Variants in CRLF3 observed in about 807,000 individuals in gnomAD.
The protein encoded by CRLF3 is cytokine receptor-like factor 3.
In CRLF3, 33 loss-of-function variants were observed where a neutral mutation model predicts 55.0. That is an observed-to-expected ratio of 0.60 (90% CI 0.46 to 0.80). The LOEUF (loss-of-function observed/expected upper bound fraction) is 0.80. Among genes scored for constraint, CRLF3 ranks in the 30% least tolerant of loss-of-function variants. CRLF3 has a pLI of 0.00. For missense variants in CRLF3, 494 were observed against 538.4 expected, an observed-to-expected ratio of 0.92 and a Z score of 0.82; for synonymous variants, 238 against 196.8, an observed-to-expected ratio of 1.21 and a Z score of -1.75.
At chr17:30,812,059 G>C (rs1567667320) in intron 1 of CRLF3, among the ~76,000 whole-genome samples, 1 of 152,040 alleles carries the variant, frequency 6.6e-6, no homozygotes, top group East Asian at 1.9e-4. Context: ...GCAGCAAGCT[G>C]AGATTGCGCC....
chr17:30,820,714 C>T (rs1302658365), intron 1 of CRLF3, among the ~76,000 whole-genome samples: 2 of 151,520 alleles, frequency 1.3e-5, no homozygotes, highest in Non-Finnish European at 2.9e-5. Context: ...ATCTCTTGAA[C>T]CCAAGAGGCG....
chr17:30,785,971 C>G lies in CRLF3; in HGVS notation c.1020G>C (p.Gln340His). The part of the protein sequence containing the change: ...RDSIGVCAEK[Q>H]DGYDSLQRDQ... The stretch of plus-strand genomic sequence containing the variant: ...CCCGCTGCAGAGAGTCATATCCATC[C>G]TGTTTTTCTGCACACACTCCTATGC... Residue 340 changes from glutamine to histidine, a missense_variant, in exon 7 of 8, where the codon CAG becomes CAC. Physicochemically the swap from Gln to His is conservative, Grantham distance 24 (BLOSUM62 0). Coordinates refer to ENST00000324238, the MANE Select transcript of CRLF3 (RefSeq NM_015986.4). 1 of 1,613,374 alleles carries G rather than the reference C, an allele frequency of 6.2e-7. No individual in the cohort carries two copies. Among genetic ancestry groups the G allele is most frequent in the East Asian group, 2.2e-5 (1 of 44,872 alleles).
intron 6 of CRLF3, among the ~76,000 whole-genome samples, chr17:30,789,374 C>CT (rs1174845199): frequency 6.6e-6 from 1 of 152,160 alleles, no homozygotes; most frequent in African/African-American, 2.4e-5. Context: ...ACTATGCAAT[C>CT]TATCAGACAT....
At chr17:30,816,941 C>T (rs565756094) in intron 1 of CRLF3, among the ~76,000 whole-genome samples, 2 of 152,236 alleles carry the variant, frequency 1.3e-5, no homozygotes, top group Non-Finnish European at 2.9e-5. Context: ...TAGGTTTGTA[C>T]AATGACAAAA....
rs141016620 is a variant in CRLF3, at chr17:30,792,567, T to A, written c.832A>T (p.Thr278Ser). ...AGACTGTACCCCTCAAAACCAGCTG[T>A]CCACTCTTTTTCAAAGCAAAGATAT... ...GHSTLVPHEW[T>S]AGFEGYSLSS... Residue 278 changes from threonine to serine, a missense_variant, in exon 6 of 8, where the codon ACA becomes TCA. Physicochemically the swap from Thr to Ser is moderately conservative, Grantham distance 58 (BLOSUM62 1). Coordinates refer to ENST00000324238, the MANE Select transcript of CRLF3 (RefSeq NM_015986.4). 6.3e-7 allele frequency: 1 copy of A among 1,594,824 alleles called. No homozygotes were observed. Among genetic ancestry groups the A allele is most frequent in the East Asian group, 2.3e-5 (1 of 44,352 alleles).
Position 30,784,394 on chromosome 17 carries a change from A to G in CRLF3, c.1122T>C (p.Val374=). Residue 374 remains valine, a synonymous_variant, in exon 8 of 8, where the codon GTT becomes GTC. Transcript: ENST00000324238. ...CAAACGTGACAGTGGACCCAGAAGTAACTGCGGGTAACTGATTTGTCATTT... is the reference window on the plus strand; with the variant it reads ...CAAACGTGACAGTGGACCCAGAAGTGACTGCGGGTAACTGATTTGTCATTT... ...GKEMTNQLPA[V]TSGSTVTFDI... is the part of the protein sequence containing the mutation. 5.6e-6 allele frequency: 9 copies of G among 1,613,784 alleles called. No homozygotes were observed. The highest frequency in any genetic ancestry group is 7.6e-6 in the Non-Finnish European group (9 of 1,179,628).
Position 30,802,459 on chromosome 17 carries a change from C to G in CRLF3, c.337+1442G>C, listed in dbSNP as rs1972022275. ...TATTTTATATTTTTTGAGACAGGGT[C>G]TTACTCTGTCACCCAGGCTGGAGTG... On this transcript the variant is annotated intron_variant, in intron 2 of 7. Transcript: ENST00000324238. Among the ~76,000 whole-genome samples, 3 of 150,750 alleles carry G rather than the reference C, an allele frequency of 2.0e-5. No individual in the cohort carries two copies. The South Asian group carries it at 6.3e-4, about 32-fold the overall frequency.
At chr17:30,804,567 G>A (rs893258931) in intron 1 of CRLF3, among the ~76,000 whole-genome samples, 1 of 152,156 alleles carries the variant, frequency 6.6e-6, no homozygotes, top group Non-Finnish European at 1.5e-5. Flanking sequence ...TTCTACATAT[G>A]AGATCGTGCA....
At chr17:30,786,054 AT>A (rs1186736953) in intron 6 of CRLF3, 23 bp from the exon 7 acceptor site, 2 of 1,268,242 alleles carry the variant, frequency 1.6e-6, no homozygotes, top group Non-Finnish European at 2.3e-6. Flanking sequence ...TAGAAAGGTC[AT>A]TTCATACTTT....
intron 1 of CRLF3, among the ~76,000 whole-genome samples, chr17:30,808,432 C>T (rs977405726): frequency 2.3e-4 from 35 of 151,204 alleles, no homozygotes; most frequent in African/African-American, 7.0e-4. Flanking sequence ...GGATTACAGG[C>T]GCATGCCACC....
intron 6 of CRLF3, among the ~76,000 whole-genome samples, chr17:30,789,317 C>A (rs1386212719): frequency 6.6e-6 from 1 of 152,138 alleles, no homozygotes; most frequent in Non-Finnish European, 1.5e-5. Context: ...TGTATAATTT[C>A]CAATGTCTTA....
intron 1 of CRLF3, among the ~76,000 whole-genome samples, chr17:30,822,062 C>CA (rs576859607): frequency 0.064 from 3,550 of 55,676 alleles, 170 homozygotes; most frequent in African/African-American, 0.17. Flanking sequence ...GCACCCCCGC[C>CA]AAAAAAAAAA....
chr17:30,819,428 C>A (rs1002226904), intron 1 of CRLF3, among the ~76,000 whole-genome samples: 1 of 152,160 alleles, frequency 6.6e-6, no homozygotes, highest in African/African-American at 2.4e-5. Flanking sequence ...CTCTGTGAGG[C>A]CTGAGTGGCC....
rs912204776 is a variant in CRLF3, at chr17:30,785,953, CAG to C, written c.1036_1037del (p.Leu346AlafsTer9). The C allele has an allele frequency of 2.5e-6, 4 of 1,611,090 alleles. No individual in the cohort carries two copies. The highest frequency in any genetic ancestry group is 1.3e-5 in the African/African-American group (1 of 74,978). On this transcript the variant is annotated frameshift_variant, in exon 7 of 8. Coordinates refer to ENST00000324238, the MANE Select transcript of CRLF3 (RefSeq NM_015986.4). LOFTEE classifies it high-confidence loss of function. The part of the protein sequence containing the change: ...CAEKQDGYDS[L>X]QRDQAVCIST... ...TAATGCACACAGCTTGATCCCGCTG[CAG>C]AGAGTCATATCCATCCTGTTTTTCT...
rs763148821 is a variant in CRLF3, at chr17:30,804,294, T to C, written c.130-186A>G. ...CATATACATAGTGAACTGTTAACTA[T>C]AGTTAAGCTAATTAACATGTCCATC... On this transcript the variant is annotated intron_variant, in intron 1 of 7. Transcript: ENST00000324238. Among the ~76,000 whole-genome samples, 13 of 152,230 alleles carry C rather than the reference T, an allele frequency of 8.5e-5. No individual in the cohort carries two copies. In the East Asian group the frequency reaches 9.6e-4, roughly 11 times the overall value.
At position 30,797,324 on chromosome 17, in the gene CRLF3, T is replaced by G; in HGVS notation, c.412A>C (p.Ile138Leu). 6.2e-7 allele frequency: 1 copy of G among 1,613,428 alleles called. No homozygotes were observed. Among genetic ancestry groups the G allele is most frequent in the Non-Finnish European group, 8.5e-7 (1 of 1,179,306 alleles). ...LWSFTKKASH[I>L]QLDSLPEVPL... is the part of the protein sequence containing the mutation. ...AAACTCTTTTACCTGTCCAACTGAA[T>G]GTGCGAGGCCTTTTTGGTAAAGCTC... Residue 138 changes from isoleucine (I) to leucine (L), a missense_variant, in exon 3 of 8, where the codon ATT (isoleucine) becomes CTT (leucine). Physicochemically the swap from Ile to Leu is conservative, Grantham distance 5 (BLOSUM62 2). Coordinates refer to ENST00000324238, the MANE Select transcript of CRLF3 (RefSeq NM_015986.4).
chr17:30,821,623 G>T (rs1360691172), intron 1 of CRLF3, among the ~76,000 whole-genome samples: 1 of 152,152 alleles, frequency 6.6e-6, no homozygotes, highest in Non-Finnish European at 1.5e-5. Context: ...ACTGTTACAT[G>T]CTACCACATC....
chr17:30,792,412 C>T (rs1482049377), intron 6 of CRLF3, 28 bp downstream of exon 6: 1 of 1,589,368 alleles, frequency 6.3e-7, no homozygotes. Flanking sequence ...CTTCCTGAGG[C>T]AGGTGAGATG....
Position 30,786,041 on chromosome 17 carries a change from A to ACCTTTCTACTTCATTTAC in CRLF3, c.960-11_960-10insGTAAATGAAGTAGAAAGG. 1 of 1,428,602 alleles carries ACCTTTCTACTTCATTTAC rather than the reference A, an allele frequency of 7.0e-7. No homozygotes were observed. The highest frequency in any genetic ancestry group is 9.8e-7 in the Non-Finnish European group (1 of 1,015,518). The allele number at this position is 1,428,602 out of a possible 1,614,324, so 88.5% of individuals were successfully genotyped here. Reference sequence around the variant, plus strand: ...TCCCACAGTTTCAACTCTGTAAATGAAGTAGAAAGGTCATTTCATACTTTT... The same window carrying ACCTTTCTACTTCATTTAC: ...TCCCACAGTTTCAACTCTGTAAATGACCTTTCTACTTCATTTACAGTAGAAAGGTCATTTCATACTTTT... On this transcript the variant is annotated splice_polypyrimidine_tract_variant and intron_variant, in intron 6 of 7. Coordinates refer to ENST00000324238, the MANE Select transcript of CRLF3 (RefSeq NM_015986.4).
Sources: allele counts gnomAD v4.1 joint callset (sites outside exome capture counted in the v4.1 genomes callset), GRCh38; gene constraint gnomAD v4.1.1; transcripts MANE v1.5; gene names NCBI Gene and HGNC (gene_info 2026-07-23, HGNC 2026-07-21).